The following COG7 variants were observed in gnomAD, a reference collection of about 807,000 sequenced individuals.
The protein encoded by COG7 is component of oligomeric golgi complex 7, also known as conserved oligomeric Golgi complex subunit 7.
In COG7, 49 loss-of-function variants were observed where a neutral mutation model predicts 91.5. That is an observed-to-expected ratio of 0.54 (90% CI 0.43 to 0.68). The LOEUF (loss-of-function observed/expected upper bound fraction) is 0.68. COG7 is among the 30% of genes least tolerant of loss of function. The pLI, the probability that COG7 is intolerant of heterozygous loss-of-function variation, is 0.00. For synonymous variants in COG7, 365 were observed against 388.7 expected, an observed-to-expected ratio of 0.94 and a Z score of 0.72; for missense variants, 895 against 961.3, an observed-to-expected ratio of 0.93 and a Z score of 0.91.
At chr16:23,413,816 G>A (rs1199870244) in intron 9 of COG7, 28 of 421,790 alleles carry the variant, frequency 6.6e-5, no homozygotes, top group South Asian at 3.6e-4. Flanking sequence ...AGGAATAATC[G>A]TGAAGTTGAC....
chr16:23,392,787 C>T (rs1963221005), intron 15 of COG7, among the ~76,000 whole-genome samples: 1 of 151,994 alleles, frequency 6.6e-6, no homozygotes, highest in Admixed American at 6.6e-5. Context: ...AAAAATTAGC[C>T]AGGCGTGGTG....
intron 11 of COG7, among the ~76,000 whole-genome samples, chr16:23,407,726 G>C (rs1401216069): frequency 6.6e-6 from 1 of 152,130 alleles, no homozygotes; most frequent in Non-Finnish European, 1.5e-5. Flanking sequence ...CTGGTACGTG[G>C]CAGGGGCTCC....
chr16:23,418,709 A>G lies in COG7; in HGVS notation c.1128T>C (p.Ala376=), dbSNP rs749378045. ...GACACTGCGACTTTACCAGAGGCAC[A>G]GCACTCATCTGGATGAGGAGGTTGC... The part of the protein sequence containing the change: ...EESNLLIQMS[A]VPLEHGEVID... The change falls in exon 8 of 17, where the codon GCT becomes GCC. Residue 376 remains alanine, a synonymous_variant. Coordinates refer to ENST00000307149, the MANE Select transcript of COG7 (RefSeq NM_153603.4). 5 of 1,613,670 alleles carry G rather than the reference A, an allele frequency of 3.1e-6. No individual in the cohort carries two copies. In the East Asian group the frequency reaches 1.1e-4, roughly 36 times the overall value.
chr16:23,393,440 C>G (rs1963233666), intron 14 of COG7, 93 bp from the exon 15 acceptor site: 1 of 946,908 alleles, frequency 1.1e-6, no homozygotes, highest in African/African-American at 1.6e-5. Context: ...GGCAGAGAGA[C>G]AAAATTGCTA....
At position 23,436,641 on chromosome 16, in the gene COG7, G is replaced by A. The variant is rs141019929; in HGVS notation, c.605-1923C>T. The stretch of plus-strand genomic sequence containing the variant: ...TCCCAGCTACTCCAGAAGCTGAGGC[G>A]CTTGAACCCAAGAGCTGGAGGTTGC... On this transcript the variant is annotated intron_variant, in intron 4 of 16. Transcript: ENST00000307149. 4.0e-3 allele frequency among the ~76,000 whole-genome samples: 604 copies of A among 152,096 alleles called. 2 individuals carry two copies. Among genetic ancestry groups the A allele is most frequent in the Non-Finnish European group, 6.0e-3 (411 of 67,994 alleles).
chr16:23,428,639 T>C (rs1478603602), intron 6 of COG7, among the ~76,000 whole-genome samples: 1 of 151,308 alleles, frequency 6.6e-6, no homozygotes, highest in Non-Finnish European at 1.5e-5. Context: ...TCTCACACAC[T>C]ATGTAGGAGT....
chr16:23,432,603 T>C (rs1165522831), intron 6 of COG7, among the ~76,000 whole-genome samples: 3 of 152,176 alleles, frequency 2.0e-5, no homozygotes, highest in Admixed American at 6.5e-5. Context: ...TTCCCCTGCT[T>C]ACAAGAGGTT....
In COG7 at chr16:23,420,871, G is replaced by GTAGC. The variant is rs2142078413; in HGVS notation, c.1010-2048_1010-2045dup. 2.7e-5 allele frequency among the ~76,000 whole-genome samples: 4 copies of GTAGC among 150,870 alleles called. No homozygotes were observed. In the South Asian group the frequency reaches 8.4e-4, roughly 32 times the overall value. On this transcript the variant is annotated intron_variant, in intron 7 of 16. Coordinates refer to ENST00000307149, the MANE Select transcript of COG7 (RefSeq NM_153603.4). ...AGATCTCCCCACCCCAGCCTCCTGA[G>GTAGC]TAGCTAGTACTACAGGTGTATGCTA...
chr16:23,429,193 T>C (rs1330759052), intron 6 of COG7, among the ~76,000 whole-genome samples: 1 of 152,048 alleles, frequency 6.6e-6, no homozygotes, highest in African/African-American at 2.4e-5. Context: ...TTTTGCCATA[T>C]TGCCCAGGTG....
chr16:23,426,336 T>C (rs1963845472), intron 6 of COG7, among the ~76,000 whole-genome samples: 1 of 152,146 alleles, frequency 6.6e-6, no homozygotes. Flanking sequence ...AAAAACATTG[T>C]ACACCATGAT....
At chr16:23,446,377 G>A in intron 1 of COG7, 1 of 257,702 alleles carries the variant, frequency 3.9e-6, no homozygotes, top group Non-Finnish European at 7.5e-6. Flanking sequence ...AAAGTAACTT[G>A]CCCAAGATCT....
chr16:23,433,776 A>C, intron 5 of COG7, 109 bp from the exon 6 acceptor site: 1 of 1,301,974 alleles, frequency 7.7e-7, no homozygotes. Context: ...CAATGGGCTC[A>C]CTGGGCAGCC....
At chr16:23,391,255 C>G (rs908373767) in intron 16 of COG7, among the ~76,000 whole-genome samples, 2 of 152,196 alleles carry the variant, frequency 1.3e-5, no homozygotes, top group African/African-American at 4.8e-5. Flanking sequence ...GGAGGAATAA[C>G]AAGGACAACT....
At chr16:23,447,411 G>T (rs1384095499) in intron 1 of COG7, 1 of 150,586 alleles carries the variant, frequency 6.6e-6, no homozygotes, top group Non-Finnish European at 1.5e-5. Context: ...GGGTTTTGCT[G>T]TGTAGGTCAG....
At chr16:23,445,988 A>C in intron 1 of COG7, 27 bp from the exon 2 acceptor site, 1 of 1,592,672 alleles carries the variant, frequency 6.3e-7, no homozygotes, top group Non-Finnish European at 8.5e-7. Flanking sequence ...AAAAAAAAAC[A>C]ACAACAACAG....
intron 6 of COG7, among the ~76,000 whole-genome samples, chr16:23,430,860 G>A (rs1312745401): frequency 6.6e-6 from 1 of 151,604 alleles, no homozygotes; most frequent in Non-Finnish European, 1.5e-5. Flanking sequence ...ATTTTGAAAT[G>A]AGTAAAACAA....
At position 23,442,944 on chromosome 16, in the gene COG7, G is replaced by A. The variant is rs1380849055; in HGVS notation, c.436-299C>T. ...AGCTACCCAGGAAGCTAAGGCAGGA[G>A]GATCACTTGAGCCTGGAAGGTGGAG... On this transcript the variant is annotated intron_variant, in intron 3 of 16. Transcript: ENST00000307149. Among the ~76,000 whole-genome samples the A allele has an allele frequency of 2.6e-5, 4 of 151,852 alleles. No individual in the cohort carries two copies. The South Asian group carries it at 6.2e-4, about 24-fold the overall frequency.
intron 7 of COG7, among the ~76,000 whole-genome samples, chr16:23,421,199 T>C (rs1963750651): frequency 6.6e-6 from 1 of 151,644 alleles, no homozygotes; most frequent in Non-Finnish European, 1.5e-5. Context: ...TTGTATTAGG[T>C]ACATGTATTA....
intron 7 of COG7, among the ~76,000 whole-genome samples, chr16:23,420,945 G>T (rs1169576005): frequency 7.0e-6 from 1 of 143,826 alleles, no homozygotes; most frequent in South Asian, 2.2e-4. Context: ...GTAGAGATGG[G>T]GTATATGTTT....
Sources: allele counts gnomAD v4.1 joint callset (sites outside exome capture counted in the v4.1 genomes callset), GRCh38; gene constraint gnomAD v4.1.1; transcripts MANE v1.5; gene names NCBI Gene and HGNC (gene_info 2026-07-23, HGNC 2026-07-21).